The following DPP6 variants were observed in gnomAD, a reference collection of about 807,000 sequenced individuals.
DPP6 encodes A-type potassium channel modulatory protein DPP6.
DPP6 carries 69 observed loss-of-function variants against 122.6 expected under a neutral mutation model. The observed-to-expected ratio is 0.56, with a 90% CI of 0.46 to 0.69. The LOEUF (loss-of-function observed/expected upper bound fraction) is 0.69, where lower values mean the gene tolerates loss of function less well. Ranked by LOEUF, DPP6 falls within the 30% of genes least tolerant of loss-of-function variation. The probability of loss-of-function intolerance (pLI) is 0.00; values close to 1 mark genes in which losing one functional copy is unlikely to be tolerated. For missense variants in DPP6, 928 were observed against 1,116.9 expected, an observed-to-expected ratio of 0.83 and a Z score of 2.41; for synonymous variants, 418 against 433.1, an observed-to-expected ratio of 0.97 and a Z score of 0.43.
intron 24 of DPP6, 24 bp from the exon 25 acceptor site, chr7:154,889,430 CTCT>C: frequency 1.3e-6 from 2 of 1,567,670 alleles, no homozygotes; most frequent in Admixed American, 1.9e-5. Flanking sequence ...ATGTCTTCCT[CTCT>C]TTTTTTTTTT....
At chr7:154,237,425 A>G (rs986184377) in intron 1 of DPP6, among the ~76,000 whole-genome samples, 4 of 152,306 alleles carry the variant, frequency 2.6e-5, no homozygotes, top group Non-Finnish European at 4.4e-5. Context: ...CAGGGGTCTG[A>G]CACCCAGTGT....
chr7:154,436,541 G>T (rs1489277698), intron 1 of DPP6, among the ~76,000 whole-genome samples: 1 of 152,116 alleles, frequency 6.6e-6, no homozygotes, highest in Non-Finnish European at 1.5e-5. Context: ...CTTCAGTTCA[G>T]CACGTTAGGC....
intron 1 of DPP6, among the ~76,000 whole-genome samples, chr7:153,905,407 G>C (rs1799806941): frequency 6.6e-6 from 1 of 152,066 alleles, no homozygotes. Flanking sequence ...CATTTTCTGG[G>C]CCTCAGCAAA....
chr7:154,766,976 G>A (rs1014560977), intron 8 of DPP6, among the ~76,000 whole-genome samples: 3 of 152,200 alleles, frequency 2.0e-5, no homozygotes, highest in African/African-American at 4.8e-5. Flanking sequence ...GATGTTGCAC[G>A]TGGCCGATGA....
At chr7:154,339,011 T>G (rs35192369) in intron 1 of DPP6, among the ~76,000 whole-genome samples, 28,151 of 152,108 alleles carry the variant, frequency 0.19, 5,070 homozygotes, top group African/African-American at 0.47. Flanking sequence ...TGCTATTTAA[T>G]CTCCAGATTT....
At chr7:154,475,125 G>C (rs536912903) in intron 3 of DPP6, 88 bp downstream of exon 3, 1 of 990,686 alleles carries the variant, frequency 1.0e-6, no homozygotes, top group Non-Finnish European at 1.6e-6. Flanking sequence ...TTTGCCTCTC[G>C]GATTTCCCCC....
chr7:154,643,190 A>C (rs1438190769), intron 6 of DPP6, among the ~76,000 whole-genome samples: 2 of 152,130 alleles, frequency 1.3e-5, no homozygotes, highest in East Asian at 3.9e-4. Context: ...TTTCCCTCTT[A>C]AAAGAAGTAT....
At chr7:154,313,712 T>TATATATATATATATATATATATATGA in intron 1 of DPP6, among the ~76,000 whole-genome samples, 1 of 24,926 alleles carries the variant, frequency 4.0e-5, no homozygotes. Flanking sequence ...TATATATATA[T>TATATATATATATATATATATATATGA]ATACACACAC....
chr7:154,487,207 AT>A (rs767357068), intron 3 of DPP6, among the ~76,000 whole-genome samples: 3 of 151,938 alleles, frequency 2.0e-5, no homozygotes, highest in Non-Finnish European at 4.4e-5. Context: ...ATACGTACAT[AT>A]TTTTTTCTCT....
At chr7:154,190,640 G>T (rs1798572981) in intron 1 of DPP6, among the ~76,000 whole-genome samples, 2 of 152,074 alleles carry the variant, frequency 1.3e-5, no homozygotes, top group South Asian at 2.1e-4. Flanking sequence ...AACCAGAACA[G>T]ATTCTTGGAG....
intron 1 of DPP6, among the ~76,000 whole-genome samples, chr7:154,324,867 A>ATTTTTTTTTTTTT (rs143944650): frequency 1.2e-4 from 14 of 113,064 alleles, no homozygotes; most frequent in South Asian, 3.0e-4. Flanking sequence ...TCCTTTTGTT[A>ATTTTTTTTTTTTT]TTTTTTTTTT....
intron 5 of DPP6, among the ~76,000 whole-genome samples, chr7:154,626,191 T>C (rs897294762): frequency 1.3e-5 from 2 of 152,172 alleles, no homozygotes; most frequent in African/African-American, 4.8e-5. Context: ...TTTCATTTGT[T>C]TCCCAGAAGA....
chr7:154,674,204 A>G lies in DPP6; in HGVS notation c.762+4763A>G, dbSNP rs370452962. Among the ~76,000 whole-genome samples the G allele has an allele frequency of 6.6e-5, 10 of 152,190 alleles. 1 individual carries two copies. The South Asian group carries it at 2.1e-3, about 32-fold the overall frequency. On this transcript the variant is annotated intron_variant, in intron 7 of 25. Transcript: ENST00000377770. ...CATGTTTCTTTTCTTTGATCTTTTC[A>G]TGAAGTCCTGCCCCCGACCATGTGT...
At chr7:153,922,902 G>C (rs567805393) in intron 1 of DPP6, among the ~76,000 whole-genome samples, 13 of 152,318 alleles carry the variant, frequency 8.5e-5, no homozygotes, top group Non-Finnish European at 1.6e-4. Context: ...ATCCAAAGCT[G>C]GCCCATTTCA....
At chr7:153,798,161 G>A in the DPP6 span, among the ~76,000 whole-genome samples, 13 of 152,166 alleles carry the variant, frequency 8.5e-5, 1 homozygote, top group South Asian at 2.5e-3. Context: ...TTCTTAGAAG[G>A]GCGCTAATCC....
intron 1 of DPP6, among the ~76,000 whole-genome samples, chr7:154,163,778 C>A (rs1310485284): frequency 2.6e-5 from 4 of 152,114 alleles, no homozygotes; most frequent in African/African-American, 9.7e-5. Flanking sequence ...ATCTCTGGGG[C>A]TGGGTGGAGC....
intron 1 of DPP6, among the ~76,000 whole-genome samples, chr7:153,938,731 A>G (rs1801570326): frequency 6.6e-6 from 1 of 152,120 alleles, no homozygotes; most frequent in African/African-American, 2.4e-5. Flanking sequence ...ATTCCTCAAG[A>G]CCTATCCCTT....
the DPP6 span, among the ~76,000 whole-genome samples, chr7:153,792,268 C>T: frequency 6.6e-6 from 1 of 152,178 alleles, no homozygotes; most frequent in South Asian, 2.1e-4. Flanking sequence ...TCAATTTCTA[C>T]AAAAATATCT....
the DPP6 span, among the ~76,000 whole-genome samples, chr7:153,802,708 C>G: frequency 3.3e-5 from 5 of 152,194 alleles, no homozygotes; most frequent in Non-Finnish European, 1.5e-5. Context: ...ATTCTTACTT[C>G]TGAAGAAAAA....
Sources: allele counts gnomAD v4.1 joint callset (sites outside exome capture counted in the v4.1 genomes callset), GRCh38; gene constraint gnomAD v4.1.1; transcripts MANE v1.5; gene names NCBI Gene and HGNC (gene_info 2026-07-23, HGNC 2026-07-21).